NUP98: variants seen among roughly 807,000 people sequenced by gnomAD.
The protein encoded by NUP98 is nucleoporin 98 and 96 precursor.
NUP98 carries 26 observed loss-of-function variants against 191.9 expected under a neutral mutation model. The ratio of observed to expected loss-of-function variants is 0.14; its 90% CI spans 0.10 to 0.19. The LOEUF (loss-of-function observed/expected upper bound fraction) is 0.19, where lower values mean the gene tolerates loss of function less well. Among genes scored for constraint, NUP98 ranks in the 10% least tolerant of loss-of-function variants. The probability of loss-of-function intolerance (pLI) is 1.00; values close to 1 mark genes in which losing one functional copy is unlikely to be tolerated. For synonymous variants in NUP98, 808 were observed against 778.4 expected, an observed-to-expected ratio of 1.04 and a Z score of -0.63; for missense variants, 1,941 against 2,178.8, an observed-to-expected ratio of 0.89 and a Z score of 2.17.
chr11:3,720,529 A>G (rs1300973057), intron 17 of NUP98, among the ~76,000 whole-genome samples, 183 bp downstream of exon 17: 2 of 152,066 alleles, frequency 1.3e-5, no homozygotes, highest in Admixed American at 6.6e-5. Flanking sequence ...AAATAAAAAT[A>G]AAAAAATTTA....
intron 20 of NUP98, among the ~76,000 whole-genome samples, chr11:3,710,122 T>C (rs551917747): frequency 1.3e-5 from 2 of 152,054 alleles, no homozygotes; most frequent in South Asian, 2.1e-4. Flanking sequence ...GGGAGAAGCA[T>C]TAAAATATAA....
chr11:3,778,846 G>A, intron 4 of NUP98, 27 bp downstream of exon 4: 1 of 1,602,638 alleles, frequency 6.2e-7, no homozygotes, highest in Non-Finnish European at 8.5e-7. Flanking sequence ...ATTATTAGAT[G>A]CAGAACTCCA....
At chr11:3,688,232 G>A (rs1272172636) in intron 28 of NUP98, among the ~76,000 whole-genome samples, 2 of 151,910 alleles carry the variant, frequency 1.3e-5, no homozygotes, top group African/African-American at 4.8e-5. Flanking sequence ...GTGAAACCAT[G>A]GTGAAACCCC....
At chr11:3,767,046 C>T (rs1403470323) in intron 8 of NUP98, among the ~76,000 whole-genome samples, 1 of 152,148 alleles carries the variant, frequency 6.6e-6, no homozygotes. Context: ...CTCACCGCAA[C>T]TTCTGCCTCC....
chr11:3,768,114 C>G (rs1354210278), intron 8 of NUP98, among the ~76,000 whole-genome samples: 5 of 152,064 alleles, frequency 3.3e-5, no homozygotes, highest in Non-Finnish European at 5.9e-5. Flanking sequence ...GAATCTAGGT[C>G]TTAATTATTC....
At chr11:3,743,289 T>C (rs1007949023) in intron 12 of NUP98, among the ~76,000 whole-genome samples, 1 of 149,574 alleles carries the variant, frequency 6.7e-6, no homozygotes, top group Middle Eastern at 3.4e-3. Context: ...AGTACTGGGA[T>C]TATAGGCGTG....
At chr11:3,688,694 C>T (rs1208711365) in intron 28 of NUP98, among the ~76,000 whole-genome samples, 1 of 150,348 alleles carries the variant, frequency 6.7e-6, no homozygotes, top group East Asian at 1.9e-4. Context: ...ACTCAGGAGG[C>T]TGAGGCAGGA....
intron 10 of NUP98, among the ~76,000 whole-genome samples, chr11:3,757,713 C>T (rs773794079): frequency 6.6e-6 from 1 of 151,738 alleles, no homozygotes; most frequent in Non-Finnish European, 1.5e-5. Context: ...GCAGAAGAAT[C>T]GCTTGAACCC....
chr11:3,746,269 CAAAAAA>C (rs66773761), intron 11 of NUP98, among the ~76,000 whole-genome samples: 5 of 33,942 alleles, frequency 1.5e-4, no homozygotes, highest in South Asian at 1.2e-3. Flanking sequence ...AACTTTATCT[CAAAAAA>C]AAAAAAAAAA....
At chr11:3,777,552 C>T (rs1227659291) in intron 4 of NUP98, among the ~76,000 whole-genome samples, 6 of 136,824 alleles carry the variant, frequency 4.4e-5, no homozygotes, top group African/African-American at 5.5e-5. Context: ...ACTGGGGAGG[C>T]GGAGGTTGCA....
chr11:3,735,193 C>G lies in NUP98; in HGVS notation c.1540G>C (p.Glu514Gln). ...TACAGAAGTATCCTTAAATTTACCT[C>G]TTCCTTCTTCTTAGGGTCTGACATC... ...NPMSDPKKKE[E>Q]RLKPTNPAAQ... Residue 514 changes from glutamate to glutamine, a missense_variant and splice_region_variant, in exon 13 of 33, where the codon GAG (glutamate) becomes CAG (glutamine). By Grantham distance (29) the Glu-to-Gln change is conservative. Transcript: ENST00000324932. The G allele has an allele frequency of 6.3e-7, 1 of 1,579,848 alleles. No individual in the cohort carries two copies. The highest frequency in any genetic ancestry group is 1.2e-5 in the South Asian group (1 of 85,248).
At chr11:3,686,247 T>C (rs1486302774) in intron 28 of NUP98, 53 bp from the exon 29 acceptor site, 4 of 1,503,916 alleles carry the variant, frequency 2.7e-6, no homozygotes, top group African/African-American at 2.8e-5. Flanking sequence ...CGGCCTGGAC[T>C]GATATGTCAA....
intron 12 of NUP98, 21 bp from the exon 13 acceptor site, chr11:3,735,345 AAAC>A (rs751937690): frequency 2.2e-6 from 3 of 1,336,046 alleles, no homozygotes; most frequent in East Asian, 2.5e-5. Context: ...AAAAAAAAGA[AAAC>A]AAAATATATA....
chr11:3,773,713 G>A lies in NUP98; in HGVS notation c.522C>T (p.Val174=), dbSNP rs768475546. Residue 174 remains valine (V), a synonymous_variant, in exon 6 of 33, where the codon GTC becomes GTT. Coordinates refer to ENST00000324932, the MANE Select transcript of NUP98 (RefSeq NM_016320.5). ...FNPPTGTDTM[V]KAGVSTNIST... is the part of the protein sequence containing the mutation. ...TTATGTTAGTGCTAACTCCAGCTTT[G>A]ACCATAGTATCTGTACCAGTTGGAG... The A allele has an allele frequency of 2.5e-6, 4 of 1,613,164 alleles. No individual in the cohort carries two copies. In the South Asian group the frequency reaches 3.3e-5, roughly 13 times the overall value.
intron 8 of NUP98, among the ~76,000 whole-genome samples, chr11:3,765,365 TA>T (rs1360886896): frequency 1.1e-4 from 16 of 152,248 alleles, no homozygotes; most frequent in African/African-American, 3.6e-4. Flanking sequence ...AAGGCCTGGC[TA>T]AAAGGTTTTA....
At chr11:3,719,646 G>T in intron 17 of NUP98, 96 bp from the exon 18 acceptor site, 1 of 878,146 alleles carries the variant, frequency 1.1e-6, no homozygotes, top group Non-Finnish European at 1.6e-6. Flanking sequence ...GGAGAAAGCA[G>T]TTTTAAGTAT....
At chr11:3,791,260 T>C (rs1052231368) in intron 1 of NUP98, among the ~76,000 whole-genome samples, 8 of 152,084 alleles carry the variant, frequency 5.3e-5, no homozygotes, top group East Asian at 2.0e-4. Flanking sequence ...TGGCTGGGCA[T>C]GGTGGCTCAC....
rs187899968 is a variant in NUP98 at position 3,752,746 on chromosome 11, A to G, written c.1267+570T>C. ...TTACTGTACATGCTAAAACACTTAT[A>G]TATTTTATGACCATCATCACGCTCC... On this transcript the variant is annotated intron_variant, in intron 11 of 32. Coordinates refer to ENST00000324932, the MANE Select transcript of NUP98 (RefSeq NM_016320.5). 5.9e-5 allele frequency among the ~76,000 whole-genome samples: 9 copies of G among 152,276 alleles called. No individual in the cohort carries two copies. The East Asian group carries it at 1.5e-3, about 26-fold the overall frequency.
rs538140815 is a variant in NUP98 at position 3,690,496 on chromosome 11, G to A, written c.4454+851C>T. 2.0e-5 allele frequency among the ~76,000 whole-genome samples: 3 copies of A among 151,934 alleles called. No individual in the cohort carries two copies. In the East Asian group the frequency reaches 5.8e-4, roughly 29 times the overall value. On this transcript the variant is annotated intron_variant, in intron 28 of 32. Coordinates refer to ENST00000324932, the MANE Select transcript of NUP98 (RefSeq NM_016320.5). ...AGGATGGTCTCGATCTCCTGACCTC[G>A]TGATCCGCACACCTTGGCCTCCAAA...
Sources: allele counts gnomAD v4.1 joint callset (sites outside exome capture counted in the v4.1 genomes callset), GRCh38; gene constraint gnomAD v4.1.1; transcripts MANE v1.5; gene names NCBI Gene and HGNC (gene_info 2026-07-23, HGNC 2026-07-21).